The following TBC1D5 variants were observed in gnomAD, a reference collection of about 807,000 sequenced individuals.
The protein encoded by TBC1D5 is TBC1 domain family member 5.
TBC1D5 carries 75 observed loss-of-function variants against 100.3 expected under a neutral mutation model. The ratio of observed to expected loss-of-function variants is 0.75; its 90% CI spans 0.62 to 0.91. The LOEUF (loss-of-function observed/expected upper bound fraction) is 0.91. TBC1D5 is among the 40% of genes least tolerant of loss of function. TBC1D5 has a pLI of 0.00. For missense variants in TBC1D5, 910 were observed against 942.4 expected, an observed-to-expected ratio of 0.97 and a Z score of 0.45; for synonymous variants, 323 against 325.6, an observed-to-expected ratio of 0.99 and a Z score of 0.09.
At chr3:17,592,671 T>C (rs1200690023) in intron 2 of TBC1D5, among the ~76,000 whole-genome samples, 2 of 152,158 alleles carry the variant, frequency 1.3e-5, no homozygotes, top group African/African-American at 4.8e-5. Context: ...GTCCGAGCTA[T>C]TGTGCAAGCT....
chr3:17,477,111 A>G (rs978059725), intron 3 of TBC1D5, among the ~76,000 whole-genome samples: 1 of 151,986 alleles, frequency 6.6e-6, no homozygotes, highest in Non-Finnish European at 1.5e-5. Context: ...TTATTTTATC[A>G]CAAACTTATG....
intron 9 of TBC1D5, among the ~76,000 whole-genome samples, chr3:17,377,256 A>G (rs1003514279): frequency 6.6e-6 from 1 of 152,102 alleles, no homozygotes; most frequent in African/African-American, 2.4e-5. Flanking sequence ...GATTTCACCA[A>G]TACGATTTTC....
intron 2 of TBC1D5, among the ~76,000 whole-genome samples, chr3:17,603,155 GTT>G (rs1224220563): frequency 1.7e-4 from 23 of 133,822 alleles, no homozygotes; most frequent in Admixed American, 2.2e-4. Flanking sequence ...AAGTTTTTTG[GTT>G]TTTTTTTTTT....
intron 17 of TBC1D5, among the ~76,000 whole-genome samples, chr3:17,222,371 C>G (rs953346289): frequency 6.6e-6 from 1 of 152,036 alleles, no homozygotes; most frequent in Non-Finnish European, 1.5e-5. Context: ...AATGATTTTA[C>G]CTTTACAAGT....
intron 14 of TBC1D5, among the ~76,000 whole-genome samples, chr3:17,301,413 G>A (rs1257963341): frequency 6.6e-6 from 1 of 152,184 alleles, no homozygotes; most frequent in East Asian, 1.9e-4. Flanking sequence ...AATGAGACTA[G>A]CACTTGTCTT....
At chr3:17,360,724 T>C (rs1406663085) in intron 13 of TBC1D5, among the ~76,000 whole-genome samples, 1 of 152,026 alleles carries the variant, frequency 6.6e-6, no homozygotes, top group African/African-American at 2.4e-5. Flanking sequence ...AAAGTCTTAG[T>C]TGCAGAGTTA....
intron 17 of TBC1D5, among the ~76,000 whole-genome samples, chr3:17,218,108 C>CT (rs1208308607): frequency 6.6e-6 from 1 of 152,050 alleles, no homozygotes; most frequent in African/African-American, 2.4e-5. Flanking sequence ...GTAAAAAAGA[C>CT]TACTCTTTCC....
rs534203771 is a variant in TBC1D5, at chr3:17,190,973, G to A, written c.1753-5765C>T. ...AAAAGTGGAAAGGCCACGGATGTTCGGAGGAAGCTGTGGTGTACACAAGGG... is the reference window on the plus strand; with the variant it reads ...AAAAGTGGAAAGGCCACGGATGTTCAGAGGAAGCTGTGGTGTACACAAGGG... On this transcript the variant is annotated intron_variant, in intron 18 of 21. Transcript: ENST00000253692. 3.3e-4 allele frequency among the ~76,000 whole-genome samples: 51 copies of A among 152,318 alleles called. 1 individual carries two copies. Among genetic ancestry groups the A allele is most frequent in the Admixed American group, 1.4e-3 (21 of 15,304 alleles).
chr3:17,533,657 A>G (rs1413103771), intron 2 of TBC1D5, among the ~76,000 whole-genome samples: 2 of 152,186 alleles, frequency 1.3e-5, no homozygotes, highest in Non-Finnish European at 2.9e-5. Flanking sequence ...GTGAATTGTC[A>G]AAAGGTCTTT....
At chr3:17,400,324 G>A (rs571784720) in intron 8 of TBC1D5, among the ~76,000 whole-genome samples, 1 of 152,192 alleles carries the variant, frequency 6.6e-6, no homozygotes, top group African/African-American at 2.4e-5. Context: ...AGACTGAAAT[G>A]AAAATCATAT....
In TBC1D5 at chr3:17,602,797, G is replaced by A. The variant is rs549070348; in HGVS notation, c.-36+21052C>T. Among the ~76,000 whole-genome samples, 3 of 151,648 alleles carry A rather than the reference G, an allele frequency of 2.0e-5. No homozygotes were observed. The East Asian group carries it at 5.8e-4, about 30-fold the overall frequency. ...ACCTTGTTAGCCACAGGATGGTCTC[G>A]ATCTCCTGACCTCGTGATCCACCCA... On this transcript the variant is annotated intron_variant, in intron 2 of 21. Transcript: ENST00000253692.
Position 17,261,874 on chromosome 3 carries a change from AT to A in TBC1D5, c.1246-3284del, listed in dbSNP as rs1352613410. Among the ~76,000 whole-genome samples the A allele has an allele frequency of 4.0e-5, 6 of 150,024 alleles. No homozygotes were observed. The East Asian group carries it at 1.2e-3, about 29-fold the overall frequency. ...TTTTTTTTTTTTCAAATAAAACTTT[AT>A]AAAAATATAATGATTTCTAACCTTT... On this transcript the variant is annotated intron_variant, in intron 15 of 21. Coordinates refer to ENST00000253692, the Ensembl canonical transcript of TBC1D5.
intron 2 of TBC1D5, among the ~76,000 whole-genome samples, chr3:17,591,493 C>A (rs147317137): frequency 6.6e-6 from 1 of 152,030 alleles, no homozygotes; most frequent in Non-Finnish European, 1.5e-5. Context: ...TCAGACATTT[C>A]GGGGGACTAC....
chr3:17,278,673 A>G (rs1245129603), intron 15 of TBC1D5, among the ~76,000 whole-genome samples: 1 of 152,224 alleles, frequency 6.6e-6, no homozygotes, highest in African/African-American at 2.4e-5. Flanking sequence ...ATAGATCTGA[A>G]TGAAAAAAAG....
chr3:17,379,772 TTTAAA>T (rs1016713903), intron 9 of TBC1D5, among the ~76,000 whole-genome samples: 33 of 152,154 alleles, frequency 2.2e-4, no homozygotes, highest in African/African-American at 4.3e-4. Context: ...AAAATTATGA[TTTAAA>T]TTAAAGATTA....
intron 3 of TBC1D5, among the ~76,000 whole-genome samples, chr3:17,486,088 G>T (rs2095563327): frequency 6.6e-6 from 1 of 151,906 alleles, no homozygotes; most frequent in African/African-American, 2.4e-5. Context: ...TTCTCTGATG[G>T]CCAGTGATGA....
chr3:17,609,164 G>A (rs1233847417), intron 2 of TBC1D5, among the ~76,000 whole-genome samples: 1 of 152,116 alleles, frequency 6.6e-6, no homozygotes, highest in Non-Finnish European at 1.5e-5. Context: ...TGGATTTTTT[G>A]AAATTATCAT....
chr3:17,211,703 T>A (rs972827370), intron 18 of TBC1D5, among the ~76,000 whole-genome samples: 3 of 152,222 alleles, frequency 2.0e-5, no homozygotes, highest in Admixed American at 2.0e-4. Context: ...TGTCATCTGT[T>A]TTCCAAGTAA....
At chr3:17,572,666 C>T (rs2096634711) in intron 2 of TBC1D5, among the ~76,000 whole-genome samples, 3 of 152,178 alleles carry the variant, frequency 2.0e-5, no homozygotes, top group African/African-American at 7.2e-5. Context: ...ACTCCAATTG[C>T]TTACCAAGGC....
Sources: allele counts gnomAD v4.1 joint callset (sites outside exome capture counted in the v4.1 genomes callset), GRCh38; gene constraint gnomAD v4.1.1; transcripts MANE v1.5; gene names NCBI Gene and HGNC (gene_info 2026-07-23, HGNC 2026-07-21).